PARD3: variants seen among roughly 807,000 people sequenced by gnomAD.
The protein encoded by PARD3 is partitioning defective 3 homolog.
A neutral mutation model predicts 155.4 loss-of-function variants in PARD3; 75 were observed. The ratio of observed to expected loss-of-function variants is 0.48; its 90% CI spans 0.40 to 0.58. PARD3 has a LOEUF of 0.58. Ranked by LOEUF, PARD3 falls within the 20% of genes least tolerant of loss-of-function variation. The probability of loss-of-function intolerance (pLI) is 0.00; values close to 1 mark genes in which losing one functional copy is unlikely to be tolerated. For synonymous variants in PARD3, 576 were observed against 610.5 expected (o/e 0.94, Z 0.83); for missense variants, 1,642 against 1,721.7 (o/e 0.95, Z 0.82).
At chr10:34,811,965 A>C (rs565060520) in intron 1 of PARD3, among the ~76,000 whole-genome samples, 1 of 152,356 alleles carries the variant, frequency 6.6e-6, no homozygotes, top group East Asian at 1.9e-4. Flanking sequence ...GATGAGGATG[A>C]ACAGCTATTC....
chr10:34,112,215 G>T (rs1478989557), intron 24 of PARD3, among the ~76,000 whole-genome samples: 1 of 152,194 alleles, frequency 6.6e-6, no homozygotes, highest in Non-Finnish European at 1.5e-5. Context: ...GAGTCCGGAA[G>T]TCTGTAAAGT....
chr10:34,538,373 G>A (rs968465217), intron 2 of PARD3, among the ~76,000 whole-genome samples: 1 of 152,192 alleles, frequency 6.6e-6, no homozygotes, highest in Admixed American at 6.5e-5. Flanking sequence ...TTTACCAGCT[G>A]AAATCCTTCA....
In PARD3 at chr10:34,635,660, T is replaced by C. The variant is rs141665343; in HGVS notation, c.222+60658A>G. On this transcript the variant is annotated intron_variant, in intron 2 of 24. Transcript: ENST00000374788. ...CAACTGGTATGTAGAAAACACTCGA[T>C]GAGATACTTGTTTTAGTTTTTCTTC... Among the ~76,000 whole-genome samples, 267 of 152,316 alleles carry C rather than the reference T, an allele frequency of 1.8e-3. 2 individuals carry two copies. Among genetic ancestry groups the C allele is most frequent in the African/African-American group, 6.3e-3 (260 of 41,582 alleles).
At chr10:34,793,723 T>C (rs1588778992) in intron 1 of PARD3, among the ~76,000 whole-genome samples, 1 of 150,930 alleles carries the variant, frequency 6.6e-6, no homozygotes, top group African/African-American at 2.4e-5. Context: ...GAGGCGGAGG[T>C]TGCAGTGAGC....
At chr10:34,472,608 C>CCT (rs1288727941) in intron 3 of PARD3, among the ~76,000 whole-genome samples, 8 of 152,158 alleles carry the variant, frequency 5.3e-5, no homozygotes, top group Admixed American at 2.0e-4. Context: ...TTGTTAGGTA[C>CCT]CTCTGTACAC....
At chr10:34,770,835 T>C (rs1838765492) in intron 1 of PARD3, among the ~76,000 whole-genome samples, 1 of 152,202 alleles carries the variant, frequency 6.6e-6, no homozygotes, top group African/African-American at 2.4e-5. Context: ...CTGTTCTCAG[T>C]TTCCATGACA....
chr10:34,146,786 C>T (rs1236021968), intron 22 of PARD3, among the ~76,000 whole-genome samples: 1 of 152,150 alleles, frequency 6.6e-6, no homozygotes. Context: ...GAACGTTTCC[C>T]ACTTTTCCCA....
intron 22 of PARD3, among the ~76,000 whole-genome samples, chr10:34,257,388 A>G (rs1034449029): frequency 2.0e-5 from 3 of 152,262 alleles, no homozygotes; most frequent in African/African-American, 7.2e-5. Context: ...TGTACTGTCT[A>G]AAGGACAGGA....
intron 5 of PARD3, among the ~76,000 whole-genome samples, chr10:34,407,704 G>A (rs1396405915): frequency 6.6e-6 from 1 of 152,042 alleles, no homozygotes; most frequent in African/African-American, 2.4e-5. Context: ...ATGGTGGCGT[G>A]CGCCTGTAGT....
chr10:34,437,714 C>A (rs773276112), intron 5 of PARD3, among the ~76,000 whole-genome samples: 3 of 151,890 alleles, frequency 2.0e-5, no homozygotes, highest in Admixed American at 6.6e-5. Flanking sequence ...AAGTAAAATA[C>A]GTAATATTTT....
chr10:34,543,676 A>G (rs2083819032), intron 2 of PARD3, among the ~76,000 whole-genome samples: 1 of 152,224 alleles, frequency 6.6e-6, no homozygotes, highest in Admixed American at 6.5e-5. Context: ...TTTTTAAATC[A>G]CAGTCTAAAT....
At chr10:34,537,277 G>A (rs1431215831) in intron 2 of PARD3, among the ~76,000 whole-genome samples, 4 of 152,202 alleles carry the variant, frequency 2.6e-5, no homozygotes, top group Non-Finnish European at 5.9e-5. Context: ...GCACTGGGAT[G>A]AGCCACCACG....
At chr10:34,792,387 GCT>G (rs1841763636) in intron 1 of PARD3, among the ~76,000 whole-genome samples, 1 of 152,156 alleles carries the variant, frequency 6.6e-6, no homozygotes, top group African/African-American at 2.4e-5. Context: ...CCCAGCACCA[GCT>G]CTCTGTTTTT....
At chr10:34,700,443 T>C (rs2094253699) in intron 1 of PARD3, among the ~76,000 whole-genome samples, 1 of 152,208 alleles carries the variant, frequency 6.6e-6, no homozygotes, top group African/African-American at 2.4e-5. Flanking sequence ...ATGCATAGGC[T>C]CCGCATATTA....
At chr10:34,218,054 C>T (rs140001905) in intron 22 of PARD3, among the ~76,000 whole-genome samples, 4 of 152,194 alleles carry the variant, frequency 2.6e-5, no homozygotes, top group East Asian at 1.9e-4. Flanking sequence ...ACCTCCTGCA[C>T]GCCCCTACGT....
chr10:34,684,910 C>CAG (rs1554810294), intron 2 of PARD3, among the ~76,000 whole-genome samples: 1 of 147,096 alleles, frequency 6.8e-6, no homozygotes, highest in African/African-American at 2.6e-5. Flanking sequence ...CACACACACA[C>CAG]AGAGTATAGT....
At chr10:34,126,351 T>C (rs1947290361) in intron 23 of PARD3, among the ~76,000 whole-genome samples, 1 of 152,196 alleles carries the variant, frequency 6.6e-6, no homozygotes, top group Non-Finnish European at 1.5e-5. Context: ...TTGGATGAAT[T>C]TTCCGCAGCA....
chr10:34,755,347 G>A (rs1480590778), intron 1 of PARD3, among the ~76,000 whole-genome samples: 1 of 152,048 alleles, frequency 6.6e-6, no homozygotes, highest in African/African-American at 2.4e-5. Flanking sequence ...GGGAAGCAGA[G>A]GTTGCAGTGA....
chr10:34,584,810 T>C (rs1466937960), intron 2 of PARD3, among the ~76,000 whole-genome samples: 1 of 152,186 alleles, frequency 6.6e-6, no homozygotes, highest in Non-Finnish European at 1.5e-5. Context: ...GATTACTGTT[T>C]GATATGTTTT....
Sources: gnomAD v4.1 joint callset for allele counts (sites outside exome capture counted in the v4.1 genomes callset) on GRCh38, gnomAD v4.1.1 for gene constraint, MANE v1.5 for transcripts, NCBI Gene and HGNC (gene_info 2026-07-23, HGNC 2026-07-21) for gene names.